Variants in LRRTM4 observed in about 807,000 individuals in gnomAD.
The protein encoded by LRRTM4 is leucine-rich repeat transmembrane neuronal protein 4.
Under a neutral mutation model 47.6 loss-of-function variants are expected in LRRTM4, and 25 were observed. The ratio of observed to expected loss-of-function variants is 0.53; its 90% CI spans 0.38 to 0.73. The LOEUF is 0.73. Ranked by LOEUF, LRRTM4 falls within the 30% of genes least tolerant of loss-of-function variation. The pLI, the probability that LRRTM4 is intolerant of heterozygous loss-of-function variation, is 0.00. For synonymous variants in LRRTM4, 311 were observed against 269.5 expected, an observed-to-expected ratio of 1.15 and a Z score of -1.51; for missense variants, 638 against 713.4, an observed-to-expected ratio of 0.89 and a Z score of 1.20.
chr2:76,761,176 A>G (rs977391006), intron 3 of LRRTM4, among the ~76,000 whole-genome samples: 1 of 152,206 alleles, frequency 6.6e-6, no homozygotes, highest in East Asian at 1.9e-4. Flanking sequence ...CTAATTCCCT[A>G]TGCCTGCCGG....
At chr2:77,168,699 C>T (rs1436290806) in intron 3 of LRRTM4, among the ~76,000 whole-genome samples, 1 of 152,100 alleles carries the variant, frequency 6.6e-6, no homozygotes, top group Non-Finnish European at 1.5e-5. Context: ...CTCTTCACCC[C>T]CATTCATCCT....
At chr2:76,998,362 C>T (rs1335236336) in intron 3 of LRRTM4, among the ~76,000 whole-genome samples, 1 of 152,020 alleles carries the variant, frequency 6.6e-6, no homozygotes, top group Non-Finnish European at 1.5e-5. Context: ...ATACTCACAG[C>T]TGCCATGCAG....
At chr2:77,520,487 G>A (rs1679441869) in intron 2 of LRRTM4, among the ~76,000 whole-genome samples, 1 of 152,048 alleles carries the variant, frequency 6.6e-6, no homozygotes, top group African/African-American at 2.4e-5. Flanking sequence ...ACGGTACGAG[G>A]TGCTCTCAAG....
At chr2:76,903,485 G>A (rs529262761) in intron 3 of LRRTM4, among the ~76,000 whole-genome samples, 10 of 152,182 alleles carry the variant, frequency 6.6e-5, no homozygotes, top group Admixed American at 4.6e-4. Context: ...GTAGTGAGCC[G>A]AGATTGCATC....
At chr2:76,819,738 T>C (rs891180764) in intron 3 of LRRTM4, among the ~76,000 whole-genome samples, 3 of 151,942 alleles carry the variant, frequency 2.0e-5, no homozygotes, top group Admixed American at 6.6e-5. Flanking sequence ...ATTGAGAAAA[T>C]AGATAATGCC....
chr2:76,943,912 T>C (rs796754823), intron 3 of LRRTM4, among the ~76,000 whole-genome samples: 4 of 152,302 alleles, frequency 2.6e-5, no homozygotes, highest in African/African-American at 7.2e-5. Flanking sequence ...GCCATATCTT[T>C]TCATACTTGG....
intron 3 of LRRTM4, among the ~76,000 whole-genome samples, chr2:77,407,033 A>G (rs1434900830): frequency 1.3e-5 from 2 of 152,144 alleles, no homozygotes; most frequent in Admixed American, 6.6e-5. Flanking sequence ...TTTTAAATAG[A>G]TAATTTCTAA....
chr2:77,034,437 A>T (rs1678767789), intron 3 of LRRTM4, among the ~76,000 whole-genome samples: 1 of 151,918 alleles, frequency 6.6e-6, no homozygotes, highest in South Asian at 2.1e-4. Flanking sequence ...TCCTAGACAT[A>T]AATAGTTTAA....
intron 3 of LRRTM4, among the ~76,000 whole-genome samples, chr2:76,787,090 A>G (rs890499220): frequency 3.3e-5 from 5 of 152,108 alleles, no homozygotes; most frequent in Non-Finnish European, 5.9e-5. Flanking sequence ...ATCTGGAGAA[A>G]GACAATACAT....
chr2:76,958,295 T>A (rs1003090689), intron 3 of LRRTM4, among the ~76,000 whole-genome samples: 3 of 151,768 alleles, frequency 2.0e-5, no homozygotes, highest in Non-Finnish European at 2.9e-5. Context: ...CAGAAACTCT[T>A]GATTGCTGAA....
chr2:76,762,391 T>C (rs1480971788), intron 3 of LRRTM4, among the ~76,000 whole-genome samples: 1 of 152,128 alleles, frequency 6.6e-6, no homozygotes, highest in East Asian at 1.9e-4. Context: ...TTGTTTTTCT[T>C]TGCCCTAATC....
rs201935132 is a variant in LRRTM4, at chr2:77,387,916, T to TA, written c.1551+130401dup. ...TTATTACATTCCACTTCATTGATAG[T>TA]AAAAAAAAAATTGATCAGGATATTT... On this transcript the variant is annotated intron_variant, in intron 3 of 3. Transcript: ENST00000409884. Among the ~76,000 whole-genome samples the TA allele has an allele frequency of 9.1e-4, 136 of 149,840 alleles. No homozygotes were observed. In the East Asian group the frequency reaches 9.5e-3, roughly 11 times the overall value.
intron 3 of LRRTM4, among the ~76,000 whole-genome samples, chr2:77,369,625 G>A (rs1034603630): frequency 6.6e-5 from 10 of 151,620 alleles, no homozygotes; most frequent in Non-Finnish European, 1.5e-4. Context: ...ATACAGTTAT[G>A]GGTGCTTAAC....
At chr2:77,200,124 C>G (rs898442813) in intron 3 of LRRTM4, among the ~76,000 whole-genome samples, 15 of 151,994 alleles carry the variant, frequency 9.9e-5, no homozygotes, top group Admixed American at 9.2e-4. Context: ...TCCCAACATA[C>G]TTGGCCATGG....
chr2:76,940,156 T>C (rs941953333), intron 3 of LRRTM4, among the ~76,000 whole-genome samples: 2 of 152,128 alleles, frequency 1.3e-5, no homozygotes, highest in African/African-American at 2.4e-5. Flanking sequence ...CCTAAAGCTA[T>C]GTAAGTAATT....
intron 3 of LRRTM4, among the ~76,000 whole-genome samples, chr2:77,163,988 G>T (rs922443816): frequency 2.0e-4 from 31 of 152,012 alleles, no homozygotes; most frequent in African/African-American, 7.5e-4. Flanking sequence ...ATGGGCTAAA[G>T]GCTCCAATCA....
chr2:76,941,588 G>C (rs1360629047), intron 3 of LRRTM4, among the ~76,000 whole-genome samples: 1 of 151,584 alleles, frequency 6.6e-6, no homozygotes, highest in African/African-American at 2.4e-5. Flanking sequence ...TCCTGTTTTA[G>C]TTTGTTAAAA....
intron 3 of LRRTM4, among the ~76,000 whole-genome samples, chr2:76,891,063 T>A (rs1270135850): frequency 6.6e-6 from 1 of 151,096 alleles, no homozygotes; most frequent in African/African-American, 2.4e-5. Context: ...CAGTTTAAGG[T>A]CCCACTTCAG....
intron 3 of LRRTM4, among the ~76,000 whole-genome samples, chr2:77,314,005 T>A (rs979027205): frequency 1.3e-5 from 2 of 152,232 alleles, no homozygotes; most frequent in Non-Finnish European, 2.9e-5. Context: ...CAAAGATCCC[T>A]TGCTATCACC....
Sources: gnomAD v4.1 joint callset for allele counts (sites outside exome capture counted in the v4.1 genomes callset) on GRCh38, gnomAD v4.1.1 for gene constraint, MANE v1.5 for transcripts, NCBI Gene and HGNC (gene_info 2026-07-23, HGNC 2026-07-21) for gene names.